PTPRD: variants seen among roughly 807,000 people sequenced by gnomAD.
PTPRD encodes protein tyrosine phosphatase receptor type D.
A neutral mutation model predicts 214.5 loss-of-function variants in PTPRD; 34 were observed. That is an observed-to-expected ratio of 0.16 (90% CI 0.12 to 0.21). The LOEUF is 0.21. Ranked by LOEUF, PTPRD falls within the 10% of genes least tolerant of loss-of-function variation. The probability of loss-of-function intolerance (pLI) is 1.00; values close to 1 mark genes in which losing one functional copy is unlikely to be tolerated. For missense variants in PTPRD, 2,545 were observed against 2,398.7 expected, an observed-to-expected ratio of 1.06 and a Z score of -1.27; for synonymous variants, 1,128 against 845.7, an observed-to-expected ratio of 1.33 and a Z score of -5.79.
In PTPRD at chr9:10,454,914, C is replaced by CA. The variant is rs1255329227; in HGVS notation, c.-599-113898dup. On this transcript the variant is annotated intron_variant, in intron 2 of 45. Coordinates refer to ENST00000381196, the MANE Select transcript of PTPRD (RefSeq NM_002839.4). ...AGTGATCAAATGTACTGAGTGCAGA[C>CA]AAAAAAGTTCAAAACCTCAGTAACA... Among the ~76,000 whole-genome samples, 5 of 151,678 alleles carry CA rather than the reference C, an allele frequency of 3.3e-5. No homozygotes were observed. The East Asian group carries it at 5.8e-4, about 18-fold the overall frequency.
chr9:8,530,641 C>G (rs1043495998), intron 14 of PTPRD, among the ~76,000 whole-genome samples: 7 of 151,950 alleles, frequency 4.6e-5, no homozygotes, highest in African/African-American at 1.7e-4. Context: ...TCCACTGATT[C>G]CTAAGCCTAA....
chr9:9,796,210 G>A (rs1417329438), intron 5 of PTPRD, among the ~76,000 whole-genome samples: 1 of 152,074 alleles, frequency 6.6e-6, no homozygotes, highest in African/African-American at 2.4e-5. Flanking sequence ...GAAAGAAGAA[G>A]AAGAAAAGGA....
chr9:10,293,102 AGT>A (rs1048464544), intron 3 of PTPRD, among the ~76,000 whole-genome samples: 2 of 151,976 alleles, frequency 1.3e-5, no homozygotes, highest in Non-Finnish European at 2.9e-5. Flanking sequence ...TAATTTCAGT[AGT>A]ATAACCAGGA....
chr9:9,203,189 C>T (rs1006896842), intron 9 of PTPRD, among the ~76,000 whole-genome samples: 8 of 151,926 alleles, frequency 5.3e-5, no homozygotes, highest in Admixed American at 1.3e-4. Context: ...GAGATCGCAC[C>T]ATTATACCCC....
intron 8 of PTPRD, among the ~76,000 whole-genome samples, chr9:9,464,608 CT>C (rs1484820174): frequency 6.6e-6 from 1 of 152,030 alleles, no homozygotes; most frequent in Non-Finnish European, 1.5e-5. Context: ...GTTATTCCTG[CT>C]TGGTTTAGTT....
At chr9:10,583,076 A>G (rs2072553758) in intron 2 of PTPRD, among the ~76,000 whole-genome samples, 2 of 152,242 alleles carry the variant, frequency 1.3e-5, no homozygotes, top group African/African-American at 2.4e-5. Flanking sequence ...GGTATTAAAA[A>G]AAGAAAAACA....
At chr9:10,527,394 T>C (rs1026236861) in intron 2 of PTPRD, among the ~76,000 whole-genome samples, 1 of 151,934 alleles carries the variant, frequency 6.6e-6, no homozygotes, top group African/African-American at 2.4e-5. Context: ...TCAAAACACA[T>C]GAACTACTGA....
intron 8 of PTPRD, among the ~76,000 whole-genome samples, chr9:9,481,623 C>T (rs979495553): frequency 2.7e-5 from 4 of 150,166 alleles, no homozygotes; most frequent in African/African-American, 9.8e-5. Flanking sequence ...TTTAAAACAA[C>T]GCAATTGTAA....
At chr9:9,336,932 T>C (rs2044744026) in intron 9 of PTPRD, among the ~76,000 whole-genome samples, 1 of 152,208 alleles carries the variant, frequency 6.6e-6, no homozygotes, top group Non-Finnish European at 1.5e-5. Context: ...AGAATATATA[T>C]AACAGCTGTA....
intron 7 of PTPRD, among the ~76,000 whole-genome samples, chr9:9,606,456 C>A (rs530678636): frequency 1.1e-4 from 16 of 151,956 alleles, no homozygotes; most frequent in African/African-American, 3.6e-4. Context: ...CTCTTTATCC[C>A]CGTCCATCTC....
intron 2 of PTPRD, among the ~76,000 whole-genome samples, chr9:10,473,079 C>A (rs926937148): frequency 6.6e-6 from 1 of 151,996 alleles, no homozygotes; most frequent in South Asian, 2.1e-4. Context: ...TGTTATATCA[C>A]GCTCCAGTAC....
chr9:8,536,784 C>T (rs1014075561), intron 14 of PTPRD, among the ~76,000 whole-genome samples: 1 of 151,950 alleles, frequency 6.6e-6, no homozygotes, highest in African/African-American at 2.4e-5. Context: ...TGACTTTGGG[C>T]CACAAGGTCC....
At chr9:8,973,997 A>G (rs1435987775) in intron 11 of PTPRD, among the ~76,000 whole-genome samples, 1 of 152,026 alleles carries the variant, frequency 6.6e-6, no homozygotes, top group Admixed American at 6.6e-5. Context: ...GTTCTCCCAT[A>G]CTGTAGGTGG....
chr9:10,213,182 AT>A (rs1003114061), intron 3 of PTPRD, among the ~76,000 whole-genome samples: 2 of 152,050 alleles, frequency 1.3e-5, no homozygotes, highest in African/African-American at 4.8e-5. Context: ...CTTCTACTTC[AT>A]TTTTTTAACA....
intron 2 of PTPRD, among the ~76,000 whole-genome samples, chr9:10,590,581 G>A (rs1252475280): frequency 6.6e-6 from 1 of 151,876 alleles, no homozygotes; most frequent in Non-Finnish European, 1.5e-5. Flanking sequence ...ATAATATGTT[G>A]TCTCTGGCTT....
chr9:9,445,663 A>T (rs2090142499), intron 8 of PTPRD, among the ~76,000 whole-genome samples: 1 of 152,124 alleles, frequency 6.6e-6, no homozygotes, highest in Non-Finnish European at 1.5e-5. Flanking sequence ...GAATTCAATC[A>T]CTATCACGAG....
rs527628771 is a variant in PTPRD, at chr9:9,374,129, A to T, written c.-203+23320T>A. 3.8e-4 allele frequency among the ~76,000 whole-genome samples: 58 copies of T among 152,170 alleles called. No homozygotes were observed. The East Asian group carries it at 9.9e-3, about 26-fold the overall frequency. The stretch of plus-strand genomic sequence containing the variant: ...ATGTGCATCTAAATATTAACCTAAA[A>T]ATATTCCAGAAATATTAAGTGACGA... On this transcript the variant is annotated intron_variant, in intron 9 of 45. Transcript: ENST00000381196.
intron 35 of PTPRD, among the ~76,000 whole-genome samples, chr9:8,411,654 G>T (rs769746212): frequency 1.1e-4 from 17 of 152,160 alleles, no homozygotes; most frequent in African/African-American, 3.4e-4. Context: ...ATTACTAAAT[G>T]CAGAAGAAAG....
At chr9:9,542,581 A>C (rs73407041) in intron 8 of PTPRD, among the ~76,000 whole-genome samples, 3,306 of 151,860 alleles carry the variant, frequency 0.022, 110 homozygotes, top group African/African-American at 0.073. Context: ...CATAGGTCTT[A>C]TATACAAAAT....
Sources: allele counts gnomAD v4.1 joint callset (sites outside exome capture counted in the v4.1 genomes callset), GRCh38; gene constraint gnomAD v4.1.1; transcripts MANE v1.5; gene names NCBI Gene and HGNC (gene_info 2026-07-23, HGNC 2026-07-21).